GSTM4: variants seen among roughly 807,000 people sequenced by gnomAD.
The protein encoded by GSTM4 is GST class-mu 4.
GSTM4 carries 27 observed loss-of-function variants against 30.1 expected under a neutral mutation model. The ratio of observed to expected loss-of-function variants is 0.90; its 90% CI spans 0.66 to 1.24. The LOEUF (loss-of-function observed/expected upper bound fraction) is 1.24, where lower values mean the gene tolerates loss of function less well. Among genes scored for constraint, GSTM4 ranks in the 50% most tolerant of loss-of-function variants. The pLI is 0.00. For missense variants in GSTM4, 238 were observed against 272.1 expected (o/e 0.87, Z 0.88); for synonymous variants, 94 against 96.2 (o/e 0.98, Z 0.13).
downstream of GSTM4, among the ~76,000 whole-genome samples, chr1:109,667,259 A>G (rs1045497436): frequency 6.6e-5 from 10 of 151,372 alleles, no homozygotes; most frequent in African/African-American, 2.4e-4. Context: ...TTGATGGAAC[A>G]TTTATTTCAG....
chr1:109,664,916 A>T, downstream of GSTM4: 1 of 1,359,484 alleles, frequency 7.4e-7, no homozygotes, highest in Non-Finnish European at 1.1e-6. Flanking sequence ...CCTGTGGCTT[A>T]GTCAACTCCT....
chr1:109,656,592 G>A, intron 1 of GSTM4, 120 bp from the exon 2 acceptor site: 1 of 690,554 alleles, frequency 1.4e-6, no homozygotes, highest in South Asian at 1.5e-5. Flanking sequence ...GTGTGTGTGC[G>A]TGCGCCGGGG....
rs1651984262 is a variant in GSTM4 at position 109,656,406 on chromosome 1, G to A, written c.17G>A (p.Gly6Glu). The A allele has an allele frequency of 6.2e-6, 10 of 1,613,870 alleles. No homozygotes were observed. The African/African-American group carries it at 1.1e-4, about 17-fold the overall frequency. The change falls in exon 1 of 8, where the codon GGG (glycine) becomes GAG (glutamate). Residue 6 changes from glycine to glutamate, a missense_variant. By Grantham distance (98) the Gly-to-Glu change is moderately conservative. Transcript: ENST00000369836. ...ACCAGCATCATGTCCATGACACTGG[G>A]GTACTGGGACATCCGCGGGGTGAGT... MSMTL[G>E]YWDIRGLAHA...
chr1:109,661,909 C>T (rs1046744250), downstream of GSTM4, among the ~76,000 whole-genome samples: 2 of 152,060 alleles, frequency 1.3e-5, no homozygotes, highest in African/African-American at 4.8e-5. Flanking sequence ...TAGCTTACTG[C>T]AACATCCAGT....
chr1:109,658,271 CTT>C (rs1264827282), intron 5 of GSTM4: 1 of 239,590 alleles, frequency 4.2e-6, no homozygotes, highest in Non-Finnish European at 8.1e-6. Flanking sequence ...CCGTGCTATT[CTT>C]TTCCTAGTGC....
chr1:109,663,986 A>T (rs1652385645), downstream of GSTM4, among the ~76,000 whole-genome samples: 1 of 152,196 alleles, frequency 6.6e-6, no homozygotes, highest in South Asian at 2.1e-4. Flanking sequence ...TTCTTTGGAT[A>T]GGTGAGATTG....
In GSTM4 at chr1:109,656,174, C is replaced by A; in HGVS notation, c.-216C>A. ...TTACTCCTTCCAGCCAGTGAGGATC[C>A]AGCAACCTGCTCCGTGCCTCCCGCG... On this transcript the variant is annotated 5_prime_UTR_variant, in exon 1 of 8. Coordinates refer to ENST00000369836, the MANE Select transcript of GSTM4 (RefSeq NM_000850.5). 1.7e-6 allele frequency: 1 copy of A among 573,668 alleles called. No individual in the cohort carries two copies. Among genetic ancestry groups the A allele is most frequent in the Non-Finnish European group, 3.2e-6 (1 of 309,686 alleles). The allele number at this position is 573,668 out of a possible 1,614,324, so 35.5% of individuals were successfully genotyped here. A position where few individuals can be genotyped will look rare whatever the true frequency, so the allele number is the denominator to read the frequency against.
In GSTM4 at chr1:109,659,062, C is replaced by T. The variant is rs147265487; in HGVS notation, c.519C>T (p.Asn173=). 1.9e-5 allele frequency: 30 copies of T among 1,614,126 alleles called. No individual in the cohort carries two copies. In the African/African-American group the frequency reaches 3.9e-4, roughly 21 times the overall value. Reference sequence around the variant, plus strand: ...ACCTCCACCGTATATTTGAGCCCAACTGCTTGGACGCCTTTCCAAATCTGA... The same window carrying T: ...ACCTCCACCGTATATTTGAGCCCAATTGCTTGGACGCCTTTCCAAATCTGA... The part of the protein sequence containing the change: ...VLDLHRIFEP[N]CLDAFPNLKD... The change falls in exon 7 of 8, where the codon AAC becomes AAT. Residue 173 remains asparagine (N), a synonymous_variant. Coordinates refer to ENST00000369836, the MANE Select transcript of GSTM4 (RefSeq NM_000850.5).
rs993349313 is a variant in GSTM4, at chr1:109,658,232, G to C, written c.360+360G>C. The C allele has an allele frequency of 4.4e-5, 13 of 296,572 alleles. No individual in the cohort carries two copies. The East Asian group carries it at 1.0e-3, about 23-fold the overall frequency. The allele number at this position is 296,572 out of a possible 1,614,324, so 18.4% of individuals were successfully genotyped here. Reference sequence around the variant, plus strand: ...TATGGGGTAAAGAAGTATGTAGTGGGATGTAATAGCACCCTCCTCTGTGGA... The same window carrying C: ...TATGGGGTAAAGAAGTATGTAGTGGCATGTAATAGCACCCTCCTCTGTGGA... On this transcript the variant is annotated intron_variant, in intron 5 of 7. Coordinates refer to ENST00000369836, the MANE Select transcript of GSTM4 (RefSeq NM_000850.5).
In GSTM4 at chr1:109,657,878, T is replaced by C. The variant is rs1245569208; in HGVS notation, c.360+6T>C. On this transcript the variant is annotated splice_donor_region_variant and intron_variant, in intron 5 of 7. Coordinates refer to ENST00000369836, the MANE Select transcript of GSTM4 (RefSeq NM_000850.5). ...TCTGCTACAGCCCTGACTTTGTGAG[T>C]CCCTCCCTGGTCTGGACCAGAAGCC... 1 of 1,612,536 alleles carries C rather than the reference T, an allele frequency of 6.2e-7. No individual in the cohort carries two copies.
chr1:109,660,944 A>AT (rs1652281687), intron 7 of GSTM4: 1 of 586,962 alleles, frequency 1.7e-6, no homozygotes, highest in African/African-American at 1.9e-5. Context: ...TAGAATCTTC[A>AT]TAAGTGTTAG....
intron 7 of GSTM4, chr1:109,660,313 C>T (rs1045651102): frequency 6.5e-6 from 1 of 153,678 alleles, no homozygotes; most frequent in East Asian, 1.9e-4. Context: ...CTCTCTGAAT[C>T]CTTAGAAATT....
At chr1:109,666,811 C>T (rs1470601339), downstream of GSTM4, among the ~76,000 whole-genome samples, 9 of 152,116 alleles carry the variant, frequency 5.9e-5, no homozygotes, top group Admixed American at 5.9e-4. Context: ...CTACAACCTC[C>T]ACCTCCCTGG....
At chr1:109,664,916 A>G, downstream of GSTM4, 1 of 1,359,494 alleles carries the variant, frequency 7.4e-7, no homozygotes, top group African/African-American at 1.4e-5. Context: ...CCTGTGGCTT[A>G]GTCAACTCCT....
Position 109,657,340 on chromosome 1 carries a change from C to T in GSTM4, c.177+61C>T, listed in dbSNP as rs1489948058. ...TGCGACGTGTCTCTGACTGCATCTC[C>T]TCTCCCCAGATTAGAGGTGTTCGGA... On this transcript the variant is annotated intron_variant, in intron 3 of 7. Coordinates refer to ENST00000369836, the MANE Select transcript of GSTM4 (RefSeq NM_000850.5). 3 of 1,593,354 alleles carry T rather than the reference C, an allele frequency of 1.9e-6. No individual in the cohort carries two copies. The East Asian group carries it at 6.7e-5, about 36-fold the overall frequency.
At chr1:109,656,447 TGTGGGACCGGGCGC>T in intron 1 of GSTM4, 22 bp downstream of exon 1, 1 of 1,613,214 alleles carries the variant, frequency 6.2e-7, no homozygotes, top group Non-Finnish European at 8.5e-7. Context: ...TCCGCTGCAC[TGTGGGACCGGGCGC>T]GTGGGCGGGA....
chr1:109,660,778 G>T lies in GSTM4; in HGVS notation c.568-387G>T, dbSNP rs1652274549. ...CAGAACCAGTCTACGTTGCAGCTCT[G>T]TCCCCCTTAGTAGCTATTTGAGTGT... On this transcript the variant is annotated intron_variant, in intron 7 of 7. Transcript: ENST00000369836. 1.6e-5 allele frequency: 4 copies of T among 246,086 alleles called. No homozygotes were observed. The South Asian group carries it at 2.2e-4, about 14-fold the overall frequency. The allele number at this position is 246,086 out of a possible 1,614,324, so 15.2% of individuals were successfully genotyped here.
Position 109,656,154 on chromosome 1 carries a change from C to G in GSTM4, c.-236C>G, listed in dbSNP as rs1651966421. 1.9e-6 allele frequency: 1 copy of G among 526,652 alleles called. No homozygotes were observed. The highest frequency in any genetic ancestry group is 3.1e-5 in the Admixed American group (1 of 31,828). 32.6% of individuals were successfully genotyped at this position (526,652 alleles called of 1,614,324 possible). A position where few individuals can be genotyped will look rare whatever the true frequency, so the allele number is the denominator to read the frequency against. ...CTCGGAGGTGGCGGTGGATCTTACT[C>G]CTTCCAGCCAGTGAGGATCCAGCAA... On this transcript the variant is annotated 5_prime_UTR_variant, in exon 1 of 8. Transcript: ENST00000369836.
chr1:109,666,870 C>A (rs1330128493), downstream of GSTM4, among the ~76,000 whole-genome samples: 1 of 152,186 alleles, frequency 6.6e-6, no homozygotes, highest in Non-Finnish European at 1.5e-5. Flanking sequence ...GGATTACAGG[C>A]ACCCGCCACC....
Sources: allele counts gnomAD v4.1 joint callset (sites outside exome capture counted in the v4.1 genomes callset), GRCh38; gene constraint gnomAD v4.1.1; transcripts MANE v1.5; gene names NCBI Gene and HGNC (gene_info 2026-07-23, HGNC 2026-07-21).